The following UBE2QL1 variants were observed in gnomAD, a reference collection of about 807,000 sequenced individuals.
UBE2QL1 encodes the protein ubiquitin-conjugating enzyme E2Q-like protein 1.
UBE2QL1 carries 5 observed loss-of-function variants against 12.6 expected under a neutral mutation model. The observed-to-expected ratio is 0.40, with a 90% CI of 0.21 to 0.83. UBE2QL1 has a LOEUF of 0.83. Among genes scored for constraint, UBE2QL1 ranks in the 40% least tolerant of loss-of-function variants. UBE2QL1 has a pLI of 0.37. For synonymous variants in UBE2QL1, 96 were observed against 94.5 expected, an observed-to-expected ratio of 1.02 and a Z score of -0.10; for missense variants, 99 against 222.6, an observed-to-expected ratio of 0.44 and a Z score of 3.53.
chr5:6,460,504 A>G (rs1452746153), intron 1 of UBE2QL1, among the ~76,000 whole-genome samples: 1 of 152,194 alleles, frequency 6.6e-6, no homozygotes, highest in East Asian at 1.9e-4. Flanking sequence ...GATTCACAGG[A>G]AACTCAGAAG....
chr5:6,461,241 T>C (rs1009784012), intron 1 of UBE2QL1, among the ~76,000 whole-genome samples: 2 of 152,186 alleles, frequency 1.3e-5, no homozygotes, highest in African/African-American at 4.8e-5. Flanking sequence ...TTCTCTTAAC[T>C]GGTCAGTCAA....
intron 1 of UBE2QL1, among the ~76,000 whole-genome samples, chr5:6,477,145 A>G (rs1023710860): frequency 1.3e-5 from 2 of 152,198 alleles, no homozygotes; most frequent in African/African-American, 4.8e-5. Context: ...ACTGTCTCAA[A>G]CAGCCCACCT....
chr5:6,457,643 A>T (rs1875453), intron 1 of UBE2QL1, among the ~76,000 whole-genome samples: 45,909 of 151,894 alleles, frequency 0.3, 7,722 homozygotes, highest in East Asian at 0.51. Context: ...TAGCAGCCTA[A>T]GAGGTAGGTG....
intron 1 of UBE2QL1, among the ~76,000 whole-genome samples, chr5:6,464,525 T>C (rs933561891): frequency 1.2e-4 from 19 of 152,288 alleles, no homozygotes; most frequent in Non-Finnish European, 1.9e-4. Context: ...TAGTTGAGGG[T>C]TCTTGGCCCC....
chr5:6,461,543 A>ACCCCCCCCCCC (rs71953375), intron 1 of UBE2QL1, among the ~76,000 whole-genome samples: 6 of 42,214 alleles, frequency 1.4e-4, no homozygotes, highest in Non-Finnish European at 2.5e-4. Flanking sequence ...AGCACCCACC[A>ACCCCCCCCCCC]CCCCCCCCCG....
At chr5:6,473,791 C>G (rs1399300255) in intron 1 of UBE2QL1, among the ~76,000 whole-genome samples, 3 of 152,132 alleles carry the variant, frequency 2.0e-5, no homozygotes, top group Admixed American at 6.5e-5. Context: ...TTTTTTGTTA[C>G]CTTTGAATCT....
intron 1 of UBE2QL1, among the ~76,000 whole-genome samples, chr5:6,465,974 C>G (rs1739780284): frequency 6.6e-6 from 1 of 152,086 alleles, no homozygotes; most frequent in African/African-American, 2.4e-5. Flanking sequence ...CTCTGCTGCC[C>G]AGGGGCCCCA....
chr5:6,474,500 G>C (rs1029669100), intron 1 of UBE2QL1, among the ~76,000 whole-genome samples: 2 of 152,216 alleles, frequency 1.3e-5, no homozygotes, highest in African/African-American at 4.8e-5. Flanking sequence ...CCACAGAGAA[G>C]TTACTTGCTC....
intron 1 of UBE2QL1, 75 bp from the exon 2 acceptor site, chr5:6,491,143 T>C (rs1202627764): frequency 1.4e-6 from 2 of 1,436,232 alleles, no homozygotes; most frequent in Non-Finnish European, 1.9e-6. Context: ...CGACTCTGTG[T>C]GTTTTTAATA....
At chr5:6,482,291 T>C (rs116075999) in intron 1 of UBE2QL1, among the ~76,000 whole-genome samples, 1,740 of 152,190 alleles carry the variant, frequency 0.011, 24 homozygotes, top group African/African-American at 0.039. Flanking sequence ...ATTTCTGTTG[T>C]TTCAAGCCCC....
intron 1 of UBE2QL1, among the ~76,000 whole-genome samples, chr5:6,487,665 G>C (rs985694418): frequency 6.6e-6 from 1 of 152,228 alleles, no homozygotes; most frequent in African/African-American, 2.4e-5. Context: ...TAAATGTTAT[G>C]AGAATAAGAA....
intron 1 of UBE2QL1, among the ~76,000 whole-genome samples, chr5:6,460,707 G>A (rs1739634867): frequency 6.6e-6 from 1 of 152,200 alleles, no homozygotes; most frequent in African/African-American, 2.4e-5. Context: ...TACATTGGTA[G>A]CATCTTTAAA....
intron 1 of UBE2QL1, among the ~76,000 whole-genome samples, chr5:6,470,903 G>C (rs1456619262): frequency 6.6e-6 from 1 of 152,168 alleles, no homozygotes; most frequent in Non-Finnish European, 1.5e-5. Context: ...CCTTCAGAAA[G>C]GTTACCCCAG....
Position 6,449,178 on chromosome 5 carries a change from C to G in UBE2QL1, c.285C>G (p.Arg95=). 6.6e-7 allele frequency: 1 copy of G among 1,524,028 alleles called. No individual in the cohort carries two copies. Among genetic ancestry groups the G allele is most frequent in the Non-Finnish European group, 8.8e-7 (1 of 1,132,886 alleles). 94.4% of individuals were successfully genotyped at this position (1,524,028 alleles called of 1,614,324 possible). A position where few individuals can be genotyped will look rare whatever the true frequency, so the allele number is the denominator to read the frequency against. The change falls in exon 1 of 2, where the codon CGC becomes CGG. Residue 95 remains arginine, a synonymous_variant. Coordinates refer to ENST00000399816, the MANE Select transcript of UBE2QL1 (RefSeq NM_001145161.3). ...TCTGCATGGAGCTGCTCACGCCGCG[C>G]GGCTGGTCCAGCGCCTACACCGTGG... is the stretch of plus-strand genomic sequence containing the variant. The part of the protein sequence containing the change: ...GAICMELLTP[R]GWSSAYTVEA...
Position 6,478,107 on chromosome 5 carries a change from C to G in UBE2QL1, c.355-13111C>G, listed in dbSNP as rs1002538414. The stretch of plus-strand genomic sequence containing the variant: ...GTCTTATTATTGCTGTGCTTTATTG[C>G]AAAAACAGACTATTTGAGAAAGTAA... On this transcript the variant is annotated intron_variant, in intron 1 of 1. Coordinates refer to ENST00000399816, the MANE Select transcript of UBE2QL1 (RefSeq NM_001145161.3). This position sits in a 1 kb window ranked among gnomAD's most constrained non-coding sequence, Gnocchi z 4.5. 6.6e-6 allele frequency among the ~76,000 whole-genome samples: 1 copy of G among 152,168 alleles called. No homozygotes were observed. The highest frequency in any genetic ancestry group is 1.5e-5 in the Non-Finnish European group (1 of 68,020).
In UBE2QL1 at chr5:6,481,348, G is replaced by A. The variant is rs1053455870; in HGVS notation, c.355-9870G>A. ...ACCTCCATCCCATCTCGCCTTGCAC[G>A]CCAGGTGCTCATTATCCCCATGCAG... On this transcript the variant is annotated intron_variant, in intron 1 of 1. Transcript: ENST00000399816. This position sits in a 1 kb window ranked among gnomAD's most constrained non-coding sequence, Gnocchi z 4.5. Among the ~76,000 whole-genome samples, 4 of 152,194 alleles carry A rather than the reference G, an allele frequency of 2.6e-5. No individual in the cohort carries two copies. Among genetic ancestry groups the A allele is most frequent in the Non-Finnish European group, 5.9e-5 (4 of 68,044 alleles).
At chr5:6,451,681 A>G (rs1000479333) in intron 1 of UBE2QL1, among the ~76,000 whole-genome samples, 1 of 152,228 alleles carries the variant, frequency 6.6e-6, no homozygotes, top group Non-Finnish European at 1.5e-5. Flanking sequence ...TGTGTGGCAT[A>G]CATAAAATAT....
intron 1 of UBE2QL1, among the ~76,000 whole-genome samples, chr5:6,480,916 C>T (rs1193751227): frequency 2.6e-5 from 4 of 152,278 alleles, no homozygotes; most frequent in South Asian, 2.1e-4. Flanking sequence ...GGGTGGCAAG[C>T]ATTTCATAAA....
chr5:6,453,260 C>G (rs1411811730), intron 1 of UBE2QL1, among the ~76,000 whole-genome samples: 1 of 152,198 alleles, frequency 6.6e-6, no homozygotes, highest in Non-Finnish European at 1.5e-5. Flanking sequence ...GCTCTCATAA[C>G]AGCTCATGAG....
Sources: allele counts gnomAD v4.1 joint callset (sites outside exome capture counted in the v4.1 genomes callset), GRCh38; gene constraint gnomAD v4.1.1; non-coding constraint Gnocchi (gnomAD v3.1); transcripts MANE v1.5; gene names NCBI Gene and HGNC (gene_info 2026-07-23, HGNC 2026-07-21).